Variants in ADAMTS10 observed in about 807,000 individuals in gnomAD.
ADAMTS10 encodes the protein A disintegrin and metalloproteinase with thrombospondin motifs 10.
A neutral mutation model predicts 135.9 loss-of-function variants in ADAMTS10; 48 were observed. That is an observed-to-expected ratio of 0.35 (90% CI 0.28 to 0.45). ADAMTS10 has a LOEUF of 0.45. Among genes scored for constraint, ADAMTS10 ranks in the 20% least tolerant of loss-of-function variants. The pLI is 1.00. For synonymous variants in ADAMTS10, 621 were observed against 647.5 expected (o/e 0.96, Z 0.62); for missense variants, 1,131 against 1,565.2 (o/e 0.72, Z 4.68).
chr19:8,600,495 C>G (rs1396123693), intron 6 of ADAMTS10, among the ~76,000 whole-genome samples: 1 of 137,400 alleles, frequency 7.3e-6, no homozygotes, highest in Non-Finnish European at 1.5e-5. Context: ...TCTTTTCTTT[C>G]TTTTCTTTTT....
chr19:8,587,333 CTTTTTTT>C (rs559435857), intron 18 of ADAMTS10, among the ~76,000 whole-genome samples: 27 of 77,468 alleles, frequency 3.5e-4, no homozygotes, highest in African/African-American at 6.3e-4. Context: ...ACTAAAAAAC[CTTTTTTT>C]TTTTTTTTTT....
intron 15 of ADAMTS10, among the ~76,000 whole-genome samples, chr19:8,590,706 C>T (rs1489475986): frequency 2.6e-5 from 4 of 151,842 alleles, no homozygotes; most frequent in Admixed American, 1.3e-4. Flanking sequence ...GTGATTGACC[C>T]GCCTCGGCCT....
rs1555742518 is a variant in ADAMTS10, at chr19:8,605,740, A to G, written c.-30T>C. 6.3e-7 allele frequency: 1 copy of G among 1,583,270 alleles called. No homozygotes were observed. On this transcript the variant is annotated 5_prime_UTR_variant, in exon 3 of 26. Coordinates refer to ENST00000597188, the MANE Select transcript of ADAMTS10 (RefSeq NM_030957.4). This position sits in a 1 kb window ranked among gnomAD's most constrained non-coding sequence, Gnocchi z 7.7. Reference sequence around the variant, plus strand: ...GCCACGTGTCCACATGTCTCTCCCCAGCCCCGGCTGCCGGCAGCCCCCACA... The same window carrying G: ...GCCACGTGTCCACATGTCTCTCCCCGGCCCCGGCTGCCGGCAGCCCCCACA...
rs368941657 is a variant in ADAMTS10, at chr19:8,605,113, G to T, written c.334C>A (p.Leu112Met). Residue 112 changes from leucine to methionine, a missense_variant, in exon 4 of 26, where the codon CTG becomes ATG. Transcript: ENST00000597188. This position sits in a 1 kb window ranked among gnomAD's most constrained non-coding sequence, Gnocchi z 7.7. ...VSVEYWTREG[L>M]AWQRAARPHC... ...GGCCGGGCCGCCCTCTGCCAGGCCA[G>T]GCCCTCCCGTGTCCAGTACTCCACG... is the stretch of plus-strand genomic sequence containing the variant. 65 of 1,613,202 alleles carry T rather than the reference G, an allele frequency of 4.0e-5. No individual in the cohort carries two copies. The highest frequency in any genetic ancestry group is 5.5e-5 in the Non-Finnish European group (65 of 1,179,808).
chr19:8,581,998 T>A (rs149734982), intron 25 of ADAMTS10, among the ~76,000 whole-genome samples: 151 of 151,758 alleles, frequency 1.0e-3, no homozygotes, highest in African/African-American at 3.5e-3. Context: ...ACCACTGCAC[T>A]CTAGCCTGGG....
chr19:8,610,127 T>C (rs1555743228), intron 1 of ADAMTS10, among the ~76,000 whole-genome samples: 1 of 150,540 alleles, frequency 6.6e-6, no homozygotes, highest in Non-Finnish European at 1.5e-5. Flanking sequence ...ACACACTCAT[T>C]TGCATGCTCA....
chr19:8,585,545 T>C lies in ADAMTS10; in HGVS notation c.2776A>G (p.Ser926Gly). The change falls in exon 23 of 26, where the codon AGC (serine) becomes GGC (glycine). Residue 926 changes from serine (S) to glycine (G), a missense_variant. Physicochemically the swap from Ser to Gly is moderately conservative, Grantham distance 56. Transcript: ENST00000597188. The part of the protein sequence containing the change: ...SAAEEKALDD[S>G]ACPQPRPPVL... ...GGTGGGCGCGGCTGCGGGCATGCGC[T>C]GTCGTCCAGCGCCTTCTCCTCCGCG... is the stretch of plus-strand genomic sequence containing the variant. The C allele has an allele frequency of 6.3e-7, 1 of 1,585,282 alleles. No individual in the cohort carries two copies. The highest frequency in any genetic ancestry group is 8.6e-7 in the Non-Finnish European group (1 of 1,166,588).
At chr19:8,598,833 C>T (rs2042633515) in intron 6 of ADAMTS10, among the ~76,000 whole-genome samples, 1 of 151,972 alleles carries the variant, frequency 6.6e-6, no homozygotes, top group East Asian at 1.9e-4. Flanking sequence ...CCTCGGCCTC[C>T]CAAAGTGTTG....
At chr19:8,609,568 G>GCCGGCAGGAGGCAGTC (rs2146113151) in intron 1 of ADAMTS10, among the ~76,000 whole-genome samples, 1 of 152,230 alleles carries the variant, frequency 6.6e-6, no homozygotes, top group African/African-American at 2.4e-5. Flanking sequence ...ATCTGGCCGG[G>GCCGGCAGGAGGCAGTC]CCGGCAGGAG....
chr19:8,592,763 C>T lies in ADAMTS10; in HGVS notation c.1587G>A (p.Gly529=). 1 of 1,610,916 alleles carries T rather than the reference C, an allele frequency of 6.2e-7. No homozygotes were observed. The highest frequency in any genetic ancestry group is 8.5e-7 in the Non-Finnish European group (1 of 1,179,672). The change falls in exon 13 of 26, where the codon GGG becomes GGA. Residue 529 remains glycine, a splice_region_variant and synonymous_variant. Transcript: ENST00000597188. ...GTTGGGGGCCCTGGCCGGCGCTCAC[C>T]CCCTTGTCGATGGTGTGCGTCTGGC... ...TLCQTHTIDK[G]WCYKRVCVPF...
At chr19:8,585,395 G>A in intron 23 of ADAMTS10, 61 bp downstream of exon 23, 1 of 1,535,880 alleles carries the variant, frequency 6.5e-7, no homozygotes, top group Non-Finnish European at 8.7e-7. Flanking sequence ...CCGCGCAGAG[G>A]CGTCTCCGTG....
chr19:8,580,815 G>T lies in ADAMTS10; in HGVS notation c.*78C>A. On this transcript the variant is annotated 3_prime_UTR_variant, in exon 26 of 26. Coordinates refer to ENST00000597188, the MANE Select transcript of ADAMTS10 (RefSeq NM_030957.4). ...CTTCCCTCCCAGTTCCCGCCCCCCC[G>T]GGGCCCCCTCTGGCCGGCCCGCTGC... 8.3e-7 allele frequency: 1 copy of T among 1,202,080 alleles called. No homozygotes were observed. Among genetic ancestry groups the T allele is most frequent in the Non-Finnish European group, 1.2e-6 (1 of 846,264 alleles). 74.5% of individuals were successfully genotyped at this position (1,202,080 alleles called of 1,614,324 possible).
rs2042324982 is a variant in ADAMTS10 at position 8,580,268 on chromosome 19, T to C, written c.*625A>G. On this transcript the variant is annotated 3_prime_UTR_variant, in exon 26 of 26. Coordinates refer to ENST00000597188, the MANE Select transcript of ADAMTS10 (RefSeq NM_030957.4). Reference sequence around the variant, plus strand: ...GTAGAAATCTACACAAGACAGAACTTTATTGATGTAGGGCTTCCTGGCAGG... The same window carrying C: ...GTAGAAATCTACACAAGACAGAACTCTATTGATGTAGGGCTTCCTGGCAGG... 6.5e-6 allele frequency: 1 copy of C among 154,412 alleles called. No homozygotes were observed. The highest frequency in any genetic ancestry group is 2.4e-5 in the African/African-American group (1 of 41,410). The allele number at this position is 154,412 out of a possible 1,614,324, so 9.6% of individuals were successfully genotyped here.
At chr19:8,584,167 A>G (rs1332597218) in intron 25 of ADAMTS10, among the ~76,000 whole-genome samples, 1 of 150,984 alleles carries the variant, frequency 6.6e-6, no homozygotes, top group African/African-American at 2.4e-5. Context: ...AAAAAAAAAA[A>G]AAAAAAAAAA....
intron 12 of ADAMTS10, chr19:8,593,316 G>T (rs549072469): frequency 4.0e-5 from 7 of 174,870 alleles, no homozygotes; most frequent in Non-Finnish European, 8.7e-5. Context: ...AGGATTTGGG[G>T]TTCTTTTATG....
In ADAMTS10 at chr19:8,597,181, G is replaced by C. The variant is rs182837230; in HGVS notation, c.895-49C>G. Reference sequence around the variant, plus strand: ...CATGGGCACCCACCACCCAGGGGACGGCAGGACATGCTGGTATGAAGGGGA... The same window carrying C: ...CATGGGCACCCACCACCCAGGGGACCGCAGGACATGCTGGTATGAAGGGGA... On this transcript the variant is annotated intron_variant, in intron 7 of 25. Coordinates refer to ENST00000597188, the MANE Select transcript of ADAMTS10 (RefSeq NM_030957.4). 1,315 of 1,614,104 alleles carry C rather than the reference G, an allele frequency of 8.1e-4. 17 individuals carry two copies. In the Admixed American group the frequency reaches 0.02, roughly 25 times the overall value.
At position 8,580,474 on chromosome 19, in the gene ADAMTS10, A is replaced by C. The variant is rs1555735489; in HGVS notation, c.*419T>G. 2 of 166,548 alleles carry C rather than the reference A, an allele frequency of 1.2e-5. No homozygotes were observed. The highest frequency in any genetic ancestry group is 6.1e-5 in the Admixed American group (1 of 16,368). 10.3% of individuals were successfully genotyped at this position (166,548 alleles called of 1,614,324 possible). A position where few individuals can be genotyped will look rare whatever the true frequency, so the allele number is the denominator to read the frequency against. ...CCATAGCAGACACAGATTCCCCCCC[A>C]GCTCGGAGTGGAGGGGTAGGGCAGT... On this transcript the variant is annotated 3_prime_UTR_variant, in exon 26 of 26. Coordinates refer to ENST00000597188, the MANE Select transcript of ADAMTS10 (RefSeq NM_030957.4).
Position 8,595,802 on chromosome 19 carries a change from C to T in ADAMTS10, c.1439G>A (p.Arg480His), listed in dbSNP as rs2042596120. Residue 480 changes from arginine (R) to histidine (H), a missense_variant, in exon 12 of 26, where the codon CGC becomes CAC. Physicochemically the swap from Arg to His is conservative, Grantham distance 29. This residue lies in a region of ADAMTS10 where 745 missense variants were observed against 1,056.3 expected (regional missense o/e 0.71). Coordinates refer to ENST00000597188, the MANE Select transcript of ADAMTS10 (RefSeq NM_030957.4). ...GQAYDADEQC[R>H]FQHGVKSRQC... ...ACGCGATTTGACTCCATGCTGAAAG[C>T]GGCATTGCTCATCTGCATCGTAGGC... 20 of 1,614,132 alleles carry T rather than the reference C, an allele frequency of 1.2e-5. No homozygotes were observed. Among genetic ancestry groups the T allele is most frequent in the Non-Finnish European group, 1.7e-5 (20 of 1,180,028 alleles).
intron 13 of ADAMTS10, among the ~76,000 whole-genome samples, 163 bp downstream of exon 13, chr19:8,592,600 G>C (rs1037366089): frequency 1.3e-4 from 20 of 150,798 alleles, no homozygotes; most frequent in African/African-American, 3.9e-4. Context: ...ACGCGGGAAG[G>C]AGCAAGCAGT....
Sources: gnomAD v4.1 joint callset for allele counts (sites outside exome capture counted in the v4.1 genomes callset) on GRCh38, gnomAD v4.1.1 for gene constraint, gnomAD v4.1.1 regional missense constraint, Gnocchi (gnomAD v3.1) non-coding constraint, MANE v1.5 for transcripts, NCBI Gene and HGNC (gene_info 2026-07-23, HGNC 2026-07-21) for gene names.